MTAP: variants seen among roughly 807,000 people sequenced by gnomAD.
MTAP encodes S-methyl-5'-thioadenosine phosphorylase.
A neutral mutation model predicts 33.6 loss-of-function variants in MTAP; 33 were observed. The observed-to-expected ratio is 0.98, with a 90% CI of 0.74 to 1.31. The LOEUF is 1.31. Among genes scored for constraint, MTAP ranks in the 40% most tolerant of loss-of-function variants. MTAP has a pLI of 0.00. For synonymous variants in MTAP, 148 were observed against 125.7 expected, an observed-to-expected ratio of 1.18 and a Z score of -1.19; for missense variants, 367 against 360.0, an observed-to-expected ratio of 1.02 and a Z score of -0.16.
At chr9:21,803,171 C>CGG (rs1315312851) in intron 1 of MTAP, 1 of 401,892 alleles carries the variant, frequency 2.5e-6, no homozygotes, top group African/African-American at 2.1e-5. Context: ...GAAAGACACC[C>CGG]GGCTGGAGTC....
chr9:21,916,895 C>T (rs1015756160), intron 1 of MTAP, among the ~76,000 whole-genome samples: 2 of 151,960 alleles, frequency 1.3e-5, no homozygotes, highest in South Asian at 2.1e-4. Flanking sequence ...TACGGCAGCC[C>T]GAGGAAATGA....
chr9:21,935,185 T>A (rs1819022889), downstream of MTAP: 1 of 152,208 alleles, frequency 6.6e-6, no homozygotes, highest in Non-Finnish European at 1.5e-5. Flanking sequence ...TTCTATTGAA[T>A]ACACTTGCTG....
chr9:21,910,922 A>G (rs532900692), intron 1 of MTAP, among the ~76,000 whole-genome samples: 2 of 152,282 alleles, frequency 1.3e-5, no homozygotes, highest in African/African-American at 4.8e-5. Flanking sequence ...CTCAAAGTAA[A>G]GGGTTGGAGG....
intron 5 of MTAP, among the ~76,000 whole-genome samples, chr9:21,839,990 G>T (rs551954179): frequency 1.3e-5 from 2 of 152,348 alleles, no homozygotes; most frequent in African/African-American, 2.4e-5. Flanking sequence ...ACTTTGGAAG[G>T]CCAAGGCAGG....
intron 1 of MTAP, among the ~76,000 whole-genome samples, chr9:21,911,627 A>G (rs571907217): frequency 1.3e-5 from 2 of 152,308 alleles, no homozygotes; most frequent in African/African-American, 4.8e-5. Context: ...CACATTTAAA[A>G]CAGTGTGTAG....
chr9:21,854,664 C>T lies in MTAP; in HGVS notation c.484C>T (p.Arg162Trp), dbSNP rs541314246. ...LIETAKKLGL[R>W]CHSKGTMVTI... ...AGAGACTGCTAAGAAGCTAGGACTC[C>T]GGTGCCACTCAAAGGGGACAATGGT... Residue 162 changes from arginine to tryptophan, a missense_variant, in exon 6 of 8, where the codon CGG (arginine) becomes TGG (tryptophan). Transcript: ENST00000644715. 44 of 1,606,648 alleles carry T rather than the reference C, an allele frequency of 2.7e-5. No homozygotes were observed. Among genetic ancestry groups the T allele is most frequent in the Admixed American group, 1.7e-4 (10 of 58,904 alleles).
downstream of MTAP, chr9:21,934,710 T>TC (rs2131053981): frequency 6.6e-6 from 1 of 152,062 alleles, no homozygotes; most frequent in East Asian, 1.9e-4. This position sits in a 1 kb window ranked among gnomAD's most constrained non-coding sequence, Gnocchi z 5.0. Flanking sequence ...TTTTTTGGTT[T>TC]TTTTTTTTGA....
chr9:21,846,063 TG>T (rs1340252196), intron 5 of MTAP, among the ~76,000 whole-genome samples: 2 of 152,182 alleles, frequency 1.3e-5, no homozygotes, highest in African/African-American at 2.4e-5. Flanking sequence ...GCAAGCCAGA[TG>T]TAGAAGAATG....
chr9:21,895,969 C>T (rs1275015392), intron 1 of MTAP, among the ~76,000 whole-genome samples: 3 of 152,174 alleles, frequency 2.0e-5, no homozygotes, highest in Non-Finnish European at 4.4e-5. Flanking sequence ...TTCTTCTCAG[C>T]ACCACACTGC....
rs978416137 is a variant in MTAP, at chr9:21,865,986, G to T, written c.*3972G>T. 5.5e-6 allele frequency: 1 copy of T among 181,494 alleles called. No homozygotes were observed. Among genetic ancestry groups the T allele is most frequent in the African/African-American group, 2.4e-5 (1 of 41,892 alleles). The allele number at this position is 181,494 out of a possible 1,614,324, so 11.2% of individuals were successfully genotyped here. On this transcript the variant is annotated 3_prime_UTR_variant, in exon 8 of 8. Transcript: ENST00000644715. ...TAAGCATGAAATTACAAGTCTTTTT[G>T]TGAACATATTTTCACTTGTGCAAAT...
intron 1 of MTAP, among the ~76,000 whole-genome samples, chr9:21,814,834 G>A (rs1279735815): frequency 6.6e-6 from 1 of 152,142 alleles, no homozygotes; most frequent in African/African-American, 2.4e-5. Context: ...ATGAATGATT[G>A]TTTTCATAAA....
rs755785678 is a variant in MTAP, at chr9:21,802,759, G to GCAC, written c.22_24dup (p.Thr8dup). 10 of 1,612,866 alleles carry GCAC rather than the reference G, an allele frequency of 6.2e-6. No individual in the cohort carries two copies. Among genetic ancestry groups the GCAC allele is most frequent in the Admixed American group, 1.7e-5 (1 of 59,988 alleles). On this transcript the variant is annotated inframe_insertion, in exon 1 of 8. Coordinates refer to ENST00000644715, the MANE Select transcript of MTAP (RefSeq NM_002451.4). ...CTTTCCCGTGCAGACATGGCCTCTG[G>GCAC]CACCACCACCACCGCCGTGAAGGTG...
At chr9:21,833,660 A>G (rs3931609) in intron 4 of MTAP, among the ~76,000 whole-genome samples, 36,859 of 152,046 alleles carry the variant, frequency 0.24, 6,693 homozygotes, top group African/African-American at 0.51. Context: ...CTGCCAGTAA[A>G]TTAATTGACT....
chr9:21,853,890 G>A (rs965454490), intron 5 of MTAP, among the ~76,000 whole-genome samples: 2 of 152,078 alleles, frequency 1.3e-5, no homozygotes, highest in African/African-American at 4.8e-5. Flanking sequence ...TTAATTAAAA[G>A]GGAATATTGA....
At chr9:21,930,506 G>A (rs10965187) in intron 1 of MTAP, 19,923 of 245,194 alleles carry the variant, frequency 0.081, 3,966 homozygotes, top group African/African-American at 0.42. Flanking sequence ...GGTGAAAAGG[G>A]CTATCCAATT....
intron 5 of MTAP, among the ~76,000 whole-genome samples, chr9:21,848,355 A>T (rs1407804788): frequency 6.6e-6 from 1 of 152,164 alleles, no homozygotes; most frequent in Non-Finnish European, 1.5e-5. Flanking sequence ...GAGAACAGGC[A>T]TGGGAATGGA....
At chr9:21,855,313 A>C (rs1390477112) in intron 6 of MTAP, among the ~76,000 whole-genome samples, 1 of 152,244 alleles carries the variant, frequency 6.6e-6, no homozygotes, top group African/African-American at 2.4e-5. Context: ...GTGACAACAA[A>C]CAGAGAAGTC....
intron 1 of MTAP, among the ~76,000 whole-genome samples, chr9:21,921,320 G>A (rs946676280): frequency 2.0e-5 from 3 of 151,612 alleles, no homozygotes; most frequent in African/African-American, 7.3e-5. Flanking sequence ...TTTAGGTAAA[G>A]GTTTGTTAAT....
intron 5 of MTAP, among the ~76,000 whole-genome samples, chr9:21,843,851 G>A (rs1185359766): frequency 6.6e-6 from 1 of 151,968 alleles, no homozygotes; most frequent in Non-Finnish European, 1.5e-5. Context: ...AGAAAAACAA[G>A]AACAAAGCAA....
Sources: gnomAD v4.1 joint callset for allele counts (sites outside exome capture counted in the v4.1 genomes callset) on GRCh38, gnomAD v4.1.1 for gene constraint, Gnocchi (gnomAD v3.1) non-coding constraint, MANE v1.5 for transcripts, NCBI Gene and HGNC (gene_info 2026-07-23, HGNC 2026-07-21) for gene names.